Variants in GPRC5C observed in about 807,000 individuals in gnomAD.
The protein encoded by GPRC5C is G protein-coupled receptor family C group 5 member C.
Under a neutral mutation model 31.4 loss-of-function variants are expected in GPRC5C, and 22 were observed. That is an observed-to-expected ratio of 0.70 (90% CI 0.50 to 1.00). GPRC5C has a LOEUF of 1.00. Ranked by LOEUF, GPRC5C falls within the 50% of genes least tolerant of loss-of-function variation. The probability of loss-of-function intolerance (pLI) is 0.00; values close to 1 mark genes in which losing one functional copy is unlikely to be tolerated. For missense variants in GPRC5C, 557 were observed against 597.2 expected (o/e 0.93, Z 0.70); for synonymous variants, 249 against 257.5 (o/e 0.97, Z 0.32).
intron 1 of GPRC5C, among the ~76,000 whole-genome samples, chr17:74,432,688 TG>T (rs1262930958): frequency 3.3e-5 from 1 of 30,618 alleles, no homozygotes; most frequent in Non-Finnish European, 6.2e-5. Context: ...GGCTGGGGAC[TG>T]GGGGGGTGGG....
At chr17:74,435,231 A>C (rs564734063) in intron 1 of GPRC5C, among the ~76,000 whole-genome samples, 54 of 152,212 alleles carry the variant, frequency 3.5e-4, no homozygotes, top group African/African-American at 1.2e-3. Context: ...AAAAAGAAAA[A>C]AAAAAGGCAT....
rs772681360 is a variant in GPRC5C, at chr17:74,439,775, G to A, written c.-2G>A. On this transcript the variant is annotated 5_prime_UTR_variant, in exon 2 of 4. Transcript: ENST00000392627. ...CAACCAGAGCCTGGCCTGGGAGCCA[G>A]GATGGCCATCCACAAAGCCTTGGTG... The A allele has an allele frequency of 1.2e-6, 2 of 1,609,856 alleles. No individual in the cohort carries two copies. The highest frequency in any genetic ancestry group is 4.5e-5 in the East Asian group (2 of 44,750).
intron 1 of GPRC5C, among the ~76,000 whole-genome samples, chr17:74,435,112 G>T (rs1348802971): frequency 6.6e-6 from 1 of 152,108 alleles, no homozygotes; most frequent in Admixed American, 6.5e-5. Flanking sequence ...CCAGCTACTC[G>T]GGAGGCTGAG....
intron 3 of GPRC5C, 198 bp from the exon 4 acceptor site, chr17:74,446,649 CCA>C: frequency 1.8e-6 from 1 of 567,772 alleles, no homozygotes; most frequent in Non-Finnish European, 3.1e-6. Flanking sequence ...GTTCCCATGC[CCA>C]GAGGCAGGGT....
Position 74,447,154 on chromosome 17 carries a change from G to A in GPRC5C, c.*126G>A, listed in dbSNP as rs2055653172. ...AGCAACATGTGCCCCAGATCTGGAA[G>A]GGCCTCCCTCTCTGCCAGTGTTTGG... On this transcript the variant is annotated 3_prime_UTR_variant, in exon 4 of 4. Coordinates refer to ENST00000392627, the MANE Select transcript of GPRC5C (RefSeq NM_022036.4). 4 of 1,464,736 alleles carry A rather than the reference G, an allele frequency of 2.7e-6. No homozygotes were observed. The highest frequency in any genetic ancestry group is 3.6e-6 in the Non-Finnish European group (4 of 1,108,936). 90.7% of individuals were successfully genotyped at this position (1,464,736 alleles called of 1,614,324 possible). A position where few individuals can be genotyped will look rare whatever the true frequency, so the allele number is the denominator to read the frequency against.
chr17:74,443,970 A>C (rs2055586314), intron 3 of GPRC5C, 58 bp downstream of exon 3: 4 of 1,212,688 alleles, frequency 3.3e-6, no homozygotes, highest in South Asian at 1.2e-5. Flanking sequence ...CAGCCTCAGC[A>C]GGCCAGTGGG....
At position 74,439,747 on chromosome 17, in the gene GPRC5C, A is replaced by T; in HGVS notation, c.-30A>T. ...GTCCCTTTTCCTTCTGTCTCTAGGGACCCAACCAGAGCCTGGCCTGGGAGC... is the reference window on the plus strand; with the variant it reads ...GTCCCTTTTCCTTCTGTCTCTAGGGTCCCAACCAGAGCCTGGCCTGGGAGC... On this transcript the variant is annotated splice_region_variant and 5_prime_UTR_variant, in exon 2 of 4. Coordinates refer to ENST00000392627, the MANE Select transcript of GPRC5C (RefSeq NM_022036.4). The T allele has an allele frequency of 6.2e-7, 1 of 1,603,280 alleles. No homozygotes were observed.
intron 1 of GPRC5C, among the ~76,000 whole-genome samples, chr17:74,437,953 A>G (rs2144412481): frequency 6.6e-6 from 1 of 152,152 alleles, no homozygotes; most frequent in Non-Finnish European, 1.5e-5. Flanking sequence ...GGGTGACTTA[A>G]ATGTGGACTA....
chr17:74,437,704 G>A (rs2055454449), intron 1 of GPRC5C, among the ~76,000 whole-genome samples: 1 of 143,554 alleles, frequency 7.0e-6, no homozygotes, highest in Non-Finnish European at 1.5e-5. Context: ...GCTTTTGTTT[G>A]CCTATTAGAA....
At chr17:74,444,835 A>G (rs1161512235) in intron 3 of GPRC5C, among the ~76,000 whole-genome samples, 1 of 152,192 alleles carries the variant, frequency 6.6e-6, no homozygotes, top group Non-Finnish European at 1.5e-5. Context: ...CTCACTCCCC[A>G]GCGCGTTTGG....
At chr17:74,441,072 C>T (rs1015413996) in intron 2 of GPRC5C, among the ~76,000 whole-genome samples, 5 of 150,992 alleles carry the variant, frequency 3.3e-5, no homozygotes, top group Middle Eastern at 3.4e-3. Flanking sequence ...ACGAGGAGTT[C>T]GAGACCAGCC....
At chr17:74,448,791 C>T (rs1197612083), downstream of GPRC5C, 2 of 919,330 alleles carry the variant, frequency 2.2e-6, no homozygotes, top group South Asian at 2.7e-5. Context: ...TGAGACAGGG[C>T]CTCAGAGTAG....
chr17:74,449,489 C>G, downstream of GPRC5C: 1 of 550,820 alleles, frequency 1.8e-6, no homozygotes, highest in Admixed American at 2.8e-5. Flanking sequence ...GGCCACCAAC[C>G]TGAAGCAGTG....
downstream of GPRC5C, chr17:74,448,717 T>G (rs2055678902): frequency 1.1e-5 from 5 of 468,272 alleles, no homozygotes; most frequent in Non-Finnish European, 2.1e-5. Flanking sequence ...CCCTGGAAGG[T>G]GGGAAGGACT....
downstream of GPRC5C, chr17:74,448,701 A>G (rs2055678631): frequency 6.8e-6 from 3 of 442,780 alleles, no homozygotes; most frequent in South Asian, 4.9e-5. Flanking sequence ...TTAATCCCCA[A>G]GGCTGCCCTG....
At chr17:74,447,833 A>T (rs149493312), downstream of GPRC5C, among the ~76,000 whole-genome samples, 277 of 152,306 alleles carry the variant, frequency 1.8e-3, no homozygotes, top group African/African-American at 6.4e-3. Flanking sequence ...GGGATGAATG[A>T]CAGTGAAGAT....
At chr17:74,441,298 T>A (rs1029476161) in intron 2 of GPRC5C, among the ~76,000 whole-genome samples, 21 of 150,924 alleles carry the variant, frequency 1.4e-4, no homozygotes, top group Admixed American at 8.6e-4. Flanking sequence ...ATAAATAAGA[T>A]TTTTTTTCTA....
At chr17:74,442,749 G>C (rs2055560625) in intron 2 of GPRC5C, among the ~76,000 whole-genome samples, 2 of 152,218 alleles carry the variant, frequency 1.3e-5, no homozygotes, top group African/African-American at 4.8e-5. Context: ...GTCCTGCCGG[G>C]CACTTGATCT....
intron 3 of GPRC5C, among the ~76,000 whole-genome samples, chr17:74,444,625 G>C (rs771306425): frequency 1.4e-4 from 21 of 152,182 alleles, no homozygotes; most frequent in Non-Finnish European, 2.8e-4. Context: ...CCCTCTCTGT[G>C]AGAGCCGCGG....
Sources: allele counts gnomAD v4.1 joint callset (sites outside exome capture counted in the v4.1 genomes callset), GRCh38; gene constraint gnomAD v4.1.1; transcripts MANE v1.5; gene names NCBI Gene and HGNC (gene_info 2026-07-23, HGNC 2026-07-21).